The following SEMA3D variants were observed in gnomAD, a reference collection of about 807,000 sequenced individuals.
SEMA3D encodes semaphorin 3D, also known as semaphorin-3D.
A neutral mutation model predicts 100.1 loss-of-function variants in SEMA3D; 84 were observed. The observed-to-expected ratio is 0.84, with a 90% CI of 0.70 to 1.01. The LOEUF (loss-of-function observed/expected upper bound fraction) is 1.01, where lower values mean the gene tolerates loss of function less well. Among genes scored for constraint, SEMA3D ranks in the 50% least tolerant of loss-of-function variants. The pLI, the probability that SEMA3D is intolerant of heterozygous loss-of-function variation, is 0.00. For synonymous variants in SEMA3D, 312 were observed against 320.7 expected (o/e 0.97, Z 0.29); for missense variants, 875 against 934.1 (o/e 0.94, Z 0.82).
chr7:85,162,803 G>A (rs1790782133), intron 1 of SEMA3D, among the ~76,000 whole-genome samples: 1 of 152,130 alleles, frequency 6.6e-6, no homozygotes, highest in Admixed American at 6.6e-5. Context: ...AATGCACCAA[G>A]GAGCAATCTG....
At chr7:85,227,985 A>AT in the SEMA3D span, among the ~76,000 whole-genome samples, 2 of 152,098 alleles carry the variant, frequency 1.3e-5, no homozygotes, top group Non-Finnish European at 1.5e-5. Flanking sequence ...TCCTCTGTTA[A>AT]TTTTTATATT....
chr7:85,233,646 A>C, the SEMA3D span, among the ~76,000 whole-genome samples: 1 of 152,204 alleles, frequency 6.6e-6, no homozygotes, highest in African/African-American at 2.4e-5. Flanking sequence ...AGTGGTGTTG[A>C]AAGTGAATAA....
At chr7:85,128,482 T>TTGAGCA (rs1269082300) in intron 2 of SEMA3D, among the ~76,000 whole-genome samples, 3 of 152,102 alleles carry the variant, frequency 2.0e-5, no homozygotes, top group African/African-American at 7.2e-5. Flanking sequence ...TATGTTTTTA[T>TTGAGCA]TATTGAGATA....
rs528276053 is a variant in SEMA3D at position 85,103,113 on chromosome 7, G to T, written c.152-5148C>A. Among the ~76,000 whole-genome samples the T allele has an allele frequency of 9.2e-5, 14 of 152,184 alleles. No homozygotes were observed. In the South Asian group the frequency reaches 2.9e-3, roughly 32 times the overall value. On this transcript the variant is annotated intron_variant, in intron 3 of 18. Transcript: ENST00000284136. ...GACTTTGGGACAGGGATTGGAACAA[G>T]TTCCCTCTTTTCCAACCAGCTTATC...
chr7:85,039,443 G>C (rs1790793686), intron 11 of SEMA3D, among the ~76,000 whole-genome samples: 1 of 152,118 alleles, frequency 6.6e-6, no homozygotes, highest in South Asian at 2.1e-4. Flanking sequence ...ATTTTTAGTA[G>C]AGATGGAGTT....
chr7:85,175,522 A>G (rs1168496297), intron 1 of SEMA3D, among the ~76,000 whole-genome samples: 2 of 152,176 alleles, frequency 1.3e-5, no homozygotes, highest in Non-Finnish European at 2.9e-5. Context: ...GTTCTGTGAA[A>G]TGTGAATCAA....
In SEMA3D at chr7:85,104,784, A is replaced by G. The variant is rs148152293; in HGVS notation, c.152-6819T>C. On this transcript the variant is annotated intron_variant, in intron 3 of 18. Transcript: ENST00000284136. Reference sequence around the variant, plus strand: ...ACGAGAAGACTACATAGATTAAAAAAAAAAGAAAAGAAAAGAAAAGAAAAA... The same window carrying G: ...ACGAGAAGACTACATAGATTAAAAAGAAAAGAAAAGAAAAGAAAAGAAAAA... 1.2e-3 allele frequency among the ~76,000 whole-genome samples: 180 copies of G among 152,084 alleles called. 1 individual carries two copies. Among genetic ancestry groups the G allele is most frequent in the African/African-American group, 4.0e-3 (166 of 41,522 alleles).
chr7:85,212,645 A>G, the SEMA3D span, among the ~76,000 whole-genome samples: 1 of 152,036 alleles, frequency 6.6e-6, no homozygotes, highest in Non-Finnish European at 1.5e-5. Flanking sequence ...TTAAAATTTT[A>G]TAATGCTGAA....
chr7:85,090,683 A>G (rs193187546), intron 4 of SEMA3D, among the ~76,000 whole-genome samples: 44 of 152,274 alleles, frequency 2.9e-4, no homozygotes, highest in African/African-American at 1.0e-3. Context: ...GCCATAGAGT[A>G]AGTTAATAGA....
At chr7:85,142,751 A>T (rs1294455224) in intron 2 of SEMA3D, 2 of 982,242 alleles carry the variant, frequency 2.0e-6, no homozygotes, top group Non-Finnish European at 2.4e-6. Flanking sequence ...TTGCTTTTAC[A>T]CTAGAAAGAT....
chr7:85,182,132 T>C (rs1364220390), intron 1 of SEMA3D, among the ~76,000 whole-genome samples: 1 of 145,646 alleles, frequency 6.9e-6, no homozygotes, highest in East Asian at 2.0e-4. Context: ...TAGGATGAAT[T>C]AACATGGACA....
At chr7:85,117,153 C>G (rs1045958807) in intron 3 of SEMA3D, among the ~76,000 whole-genome samples, 1 of 152,082 alleles carries the variant, frequency 6.6e-6, no homozygotes, top group African/African-American at 2.4e-5. Context: ...TTTAAATATA[C>G]GCACTTGAGG....
chr7:85,088,077 G>A (rs1347691978), intron 4 of SEMA3D, among the ~76,000 whole-genome samples: 5 of 151,976 alleles, frequency 3.3e-5, no homozygotes, highest in Middle Eastern at 3.4e-3. Flanking sequence ...ACAACTTTTT[G>A]TCCTTTTAAT....
chr7:85,173,114 TAAAAAGAGAGAA>T (rs78610368), intron 1 of SEMA3D, among the ~76,000 whole-genome samples: 28,260 of 151,308 alleles, frequency 0.19, 2,788 homozygotes, highest in Non-Finnish European at 0.23. Flanking sequence ...TGCATTGGGT[TAAAAAGAGAGAA>T]AGAGAGAGAG....
At chr7:85,040,534 C>A in intron 11 of SEMA3D, 139 bp downstream of exon 11, 1 of 587,912 alleles carries the variant, frequency 1.7e-6, no homozygotes, top group Non-Finnish European at 3.0e-6. Flanking sequence ...TTTTAAGGAA[C>A]ACTAAGTGAA....
chr7:85,209,274 A>G, the SEMA3D span, among the ~76,000 whole-genome samples: 1 of 152,098 alleles, frequency 6.6e-6, no homozygotes, highest in Non-Finnish European at 1.5e-5. Context: ...ATATATATAT[A>G]CGTGTGTGTA....
the SEMA3D span, among the ~76,000 whole-genome samples, chr7:85,225,104 ATACATACAT>A: frequency 3.4e-3 from 70 of 20,646 alleles, no homozygotes; most frequent in African/African-American, 0.032. Context: ...ATATATATAT[ATACATACAT>A]ATATACATAT....
chr7:85,146,380 C>A (rs1005958061), intron 2 of SEMA3D, among the ~76,000 whole-genome samples: 4 of 151,696 alleles, frequency 2.6e-5, no homozygotes, highest in Admixed American at 6.6e-5. Flanking sequence ...CATGGTGAAA[C>A]CCCATCTCTA....
intron 3 of SEMA3D, among the ~76,000 whole-genome samples, chr7:85,099,279 C>T (rs1583921344): frequency 6.6e-6 from 1 of 151,820 alleles, no homozygotes; most frequent in Admixed American, 6.6e-5. Context: ...GTGGTTTCCC[C>T]ATACTGTTCT....
Sources: allele counts gnomAD v4.1 joint callset (sites outside exome capture counted in the v4.1 genomes callset), GRCh38; gene constraint gnomAD v4.1.1; transcripts MANE v1.5; gene names NCBI Gene and HGNC (gene_info 2026-07-23, HGNC 2026-07-21).